The following CACNA1D variants were observed in gnomAD, a reference collection of about 807,000 sequenced individuals.
CACNA1D encodes voltage-dependent L-type calcium channel subunit alpha-1D.
CACNA1D carries 55 observed loss-of-function variants against 257.1 expected under a neutral mutation model. That is an observed-to-expected ratio of 0.21 (90% CI 0.17 to 0.27). The LOEUF is 0.27. CACNA1D is among the 10% of genes least tolerant of loss of function. The probability of loss-of-function intolerance (pLI) is 1.00; values close to 1 mark genes in which losing one functional copy is unlikely to be tolerated. For synonymous variants in CACNA1D, 980 were observed against 1,014.9 expected (o/e 0.97, Z 0.65); for missense variants, 1,876 against 2,784.0 (o/e 0.67, Z 7.34).
chr3:53,660,338 G>C, intron 5 of CACNA1D, 63 bp downstream of exon 5: 1 of 1,535,528 alleles, frequency 6.5e-7, no homozygotes, highest in South Asian at 1.1e-5. Flanking sequence ...GTGGGTTTCA[G>C]AATCACTGGT....
In CACNA1D at chr3:53,548,967, T is replaced by C. The variant is rs369462431; in HGVS notation, c.483+47247T>C. Among the ~76,000 whole-genome samples the C allele has an allele frequency of 1.4e-4, 22 of 152,290 alleles. No homozygotes were observed. The East Asian group carries it at 4.1e-3, about 28-fold the overall frequency. ...TTCTATTGTACTTGTTAGATATCAT[T>C]AGTTAAAAATAATTGATGTTGGGGG... On this transcript the variant is annotated intron_variant, in intron 3 of 47. Coordinates refer to ENST00000350061, the MANE Select transcript of CACNA1D (RefSeq NM_001128840.3).
In CACNA1D at chr3:53,810,758, C is replaced by CAAAAAAAAAAAAAAAA. The variant is rs71074934; in HGVS notation, c.6193-342_6193-327dup. Among the ~76,000 whole-genome samples, 92 of 68,290 alleles carry CAAAAAAAAAAAAAAAA rather than the reference C, an allele frequency of 1.3e-3. 1 individual carries two copies. Among genetic ancestry groups the CAAAAAAAAAAAAAAAA allele is most frequent in the South Asian group, 3.2e-3 (6 of 1,896 alleles). 44.8% of individuals were successfully genotyped at this position (68,290 alleles called of 152,430 possible). A position where few individuals can be genotyped will look rare whatever the true frequency, so the allele number is the denominator to read the frequency against. On this transcript the variant is annotated intron_variant, in intron 47 of 47. Transcript: ENST00000350061. ...GGGCCACAGAGCGAGACTCTTGTCT[C>CAAAAAAAAAAAAAAAA]AAAAAAAAAAAAAAAAAAAAAAAAA... is the stretch of plus-strand genomic sequence containing the variant.
chr3:53,581,902 C>G (rs564421769), intron 3 of CACNA1D, among the ~76,000 whole-genome samples: 1 of 152,342 alleles, frequency 6.6e-6, no homozygotes, highest in East Asian at 1.9e-4. Context: ...TGCTCAGAAT[C>G]AGGATAGCAT....
chr3:53,653,678 A>G (rs2094120408), intron 4 of CACNA1D, among the ~76,000 whole-genome samples: 1 of 152,026 alleles, frequency 6.6e-6, no homozygotes, highest in Admixed American at 6.6e-5. Context: ...GAGAAAATGA[A>G]TACTGCCTCT....
intron 9 of CACNA1D, among the ~76,000 whole-genome samples, chr3:53,714,703 C>T (rs918327713): frequency 1.1e-4 from 16 of 152,166 alleles, no homozygotes; most frequent in African/African-American, 3.9e-4. Context: ...ACAGTACATA[C>T]TTGAAAAGAA....
At chr3:53,771,567 G>A (rs988344887) in intron 32 of CACNA1D, among the ~76,000 whole-genome samples, 2 of 152,224 alleles carry the variant, frequency 1.3e-5, no homozygotes, top group Non-Finnish European at 2.9e-5. Flanking sequence ...GGAAGGTAAA[G>A]TGGGGGCCTC....
Position 53,714,375 on chromosome 3 carries a change from A to G in CACNA1D, c.1391-3926A>G, listed in dbSNP as rs894903287. Among the ~76,000 whole-genome samples the G allele has an allele frequency of 2.0e-5, 3 of 152,318 alleles. No homozygotes were observed. In the East Asian group the frequency reaches 5.8e-4, roughly 29 times the overall value. ...ACCTAAATGGGGCAGTCACAATGCT[A>G]TGGAAGCCAGTTAGGAGAAGCCCAT... On this transcript the variant is annotated intron_variant, in intron 9 of 47. Coordinates refer to ENST00000350061, the MANE Select transcript of CACNA1D (RefSeq NM_001128840.3).
At chr3:53,806,199 C>CTCT (rs2095565250) in intron 45 of CACNA1D, among the ~76,000 whole-genome samples, 1 of 115,180 alleles carries the variant, frequency 8.7e-6, no homozygotes, top group African/African-American at 2.8e-5. Context: ...CTCCTCCCTC[C>CTCT]TCCCTCATCT....
At chr3:53,647,962 A>G (rs1364997124) in intron 3 of CACNA1D, among the ~76,000 whole-genome samples, 1 of 152,252 alleles carries the variant, frequency 6.6e-6, no homozygotes, top group East Asian at 1.9e-4. Flanking sequence ...TTTAAAAAGC[A>G]GGGAGAGGGC....
chr3:53,767,764 C>A (rs1169483591), intron 30 of CACNA1D, among the ~76,000 whole-genome samples: 1 of 152,104 alleles, frequency 6.6e-6, no homozygotes, highest in Non-Finnish European at 1.5e-5. Context: ...GAAAAGCCAT[C>A]CTCAGGGTTC....
chr3:53,804,878 T>G, intron 44 of CACNA1D, 105 bp from the exon 45 acceptor site: 1 of 1,066,376 alleles, frequency 9.4e-7, no homozygotes, highest in South Asian at 1.3e-5. Context: ...AATCCTACTG[T>G]GTCCAAGGGA....
At chr3:53,742,881 G>A in intron 21 of CACNA1D, 130 bp from the exon 22 acceptor site, 2 of 732,802 alleles carry the variant, frequency 2.7e-6, no homozygotes, top group African/African-American at 1.7e-5. Context: ...AACCCCGTTG[G>A]TTTACATTTC....
At chr3:53,687,584 GAC>G (rs2094484374) in intron 8 of CACNA1D, among the ~76,000 whole-genome samples, 2 of 149,990 alleles carry the variant, frequency 1.3e-5, no homozygotes, top group Admixed American at 1.3e-4. Context: ...GGTCATACCA[GAC>G]ACAAACATTA....
chr3:53,649,661 C>G (rs1353171403), intron 3 of CACNA1D, among the ~76,000 whole-genome samples: 2 of 152,142 alleles, frequency 1.3e-5, no homozygotes, highest in Non-Finnish European at 2.9e-5. Context: ...ACCTCTTGCC[C>G]TAGGCATTTT....
chr3:53,805,835 C>T (rs927044542), intron 45 of CACNA1D, among the ~76,000 whole-genome samples: 3 of 144,664 alleles, frequency 2.1e-5, no homozygotes, highest in Non-Finnish European at 3.0e-5. Flanking sequence ...CATCTTCCCT[C>T]CTCCTCCATC....
chr3:53,600,938 C>T (rs373208505), intron 3 of CACNA1D, among the ~76,000 whole-genome samples: 6 of 152,200 alleles, frequency 3.9e-5, no homozygotes, highest in Non-Finnish European at 1.5e-5. Flanking sequence ...CCCACTCCAG[C>T]GGTGAGTCCA....
chr3:53,769,194 G>T (rs139328573), intron 30 of CACNA1D, among the ~76,000 whole-genome samples: 10 of 152,326 alleles, frequency 6.6e-5, no homozygotes, highest in African/African-American at 2.2e-4. Flanking sequence ...GGGTTGGGGG[G>T]CAGGTAAGCA....
rs55873110 is a variant in CACNA1D, at chr3:53,650,976, G to C, written c.623+58G>C. ...TTGGAAAATGGGAGGTGGAGGTTGG[G>C]GGGGGTGGTGGTAACAAAACAGTCT... On this transcript the variant is annotated intron_variant, in intron 4 of 47. Coordinates refer to ENST00000350061, the MANE Select transcript of CACNA1D (RefSeq NM_001128840.3). 72 of 1,440,916 alleles carry C rather than the reference G, an allele frequency of 5.0e-5. 1 individual carries two copies. The highest frequency in any genetic ancestry group is 4.6e-4 in the South Asian group (40 of 86,348). The allele number at this position is 1,440,916 out of a possible 1,614,324, so 89.3% of individuals were successfully genotyped here. A position where few individuals can be genotyped will look rare whatever the true frequency, so the allele number is the denominator to read the frequency against.
intron 3 of CACNA1D, among the ~76,000 whole-genome samples, chr3:53,562,223 T>C (rs1385517701): frequency 2.6e-5 from 4 of 152,080 alleles, no homozygotes; most frequent in Non-Finnish European, 5.9e-5. Flanking sequence ...TGGAATTTAG[T>C]GTGTGGGATT....
Sources: gnomAD v4.1 joint callset for allele counts (sites outside exome capture counted in the v4.1 genomes callset) on GRCh38, gnomAD v4.1.1 for gene constraint, MANE v1.5 for transcripts, NCBI Gene and HGNC (gene_info 2026-07-23, HGNC 2026-07-21) for gene names.